WDR49: variants seen among roughly 807,000 people sequenced by gnomAD.
WDR49 encodes the protein WD repeat domain 49, also known as cilia- and flagella-associated protein 337.
In WDR49, 107 loss-of-function variants were observed where a neutral mutation model predicts 119.5. The ratio of observed to expected loss-of-function variants is 0.90; its 90% CI spans 0.77 to 1.05. WDR49 has a LOEUF of 1.05. Among genes scored for constraint, WDR49 ranks in the 50% least tolerant of loss-of-function variants. The probability of loss-of-function intolerance (pLI) is 0.00; values close to 1 mark genes in which losing one functional copy is unlikely to be tolerated. For synonymous variants in WDR49, 425 were observed against 418.8 expected, an observed-to-expected ratio of 1.01 and a Z score of -0.18; for missense variants, 1,240 against 1,220.5, an observed-to-expected ratio of 1.02 and a Z score of -0.24.
intron 8 of WDR49, among the ~76,000 whole-genome samples, chr3:167,569,329 C>G (rs1395517133): frequency 6.6e-6 from 1 of 152,048 alleles, no homozygotes; most frequent in Non-Finnish European, 1.5e-5. Flanking sequence ...TGTTTGAATA[C>G]GTAAGTTTTG....
intron 7 of WDR49, among the ~76,000 whole-genome samples, chr3:167,599,718 A>G (rs935655600): frequency 6.6e-6 from 1 of 152,036 alleles, no homozygotes; most frequent in African/African-American, 2.4e-5. Context: ...GTCTCACCCA[A>G]GTTCCATGGT....
intron 15 of WDR49, among the ~76,000 whole-genome samples, chr3:167,527,096 G>A (rs1752664481): frequency 6.6e-6 from 1 of 152,072 alleles, no homozygotes; most frequent in African/African-American, 2.4e-5. Context: ...TCATAGGCAG[G>A]AGCAAGTCAG....
intron 2 of WDR49, among the ~76,000 whole-genome samples, chr3:167,630,511 CT>C (rs1717324825): frequency 6.6e-6 from 1 of 152,096 alleles, no homozygotes; most frequent in East Asian, 1.9e-4. Context: ...CGAGGTATGC[CT>C]GTCAAGTGGT....
At chr3:167,554,226 TAGAA>T (rs1204039318) in intron 10 of WDR49, among the ~76,000 whole-genome samples, 1 of 152,100 alleles carries the variant, frequency 6.6e-6, no homozygotes, top group Non-Finnish European at 1.5e-5. Context: ...TCTGCACTGA[TAGAA>T]AGGAGGAGCT....
chr3:167,566,963 G>T, intron 8 of WDR49: 1 of 596,792 alleles, frequency 1.7e-6, no homozygotes. Context: ...AGGTGGAGGA[G>T]GTGGAAAGGG....
In WDR49 at chr3:167,544,435, C is replaced by A. The variant is rs78432864; in HGVS notation, c.1824-7435G>T. Among the ~76,000 whole-genome samples, 108 of 152,046 alleles carry A rather than the reference C, an allele frequency of 7.1e-4. 1 individual carries two copies. In the Middle Eastern group the frequency reaches 0.044, roughly 62 times the overall value. ...ACCTATACTACAAGGCTATAGTTAC[C>A]AAAACAGGATGTTACATAGAGCAGT... On this transcript the variant is annotated intron_variant, in intron 10 of 18. Transcript: ENST00000682715.
At position 167,636,164 on chromosome 3, in the gene WDR49, G is replaced by A. The variant is rs149044131; in HGVS notation, c.166-8872C>T. 2.9e-3 allele frequency among the ~76,000 whole-genome samples: 436 copies of A among 151,392 alleles called. 2 individuals are homozygous for A. The highest frequency in any genetic ancestry group is 0.01 in the African/African-American group (422 of 41,366). ...CCAAAGTTCATTGTATCATTCTTAC[G>A]CCTTTGCATCCTCATAACTTAGCTT... On this transcript the variant is annotated intron_variant, in intron 2 of 18. Coordinates refer to ENST00000682715, the MANE Select transcript of WDR49 (RefSeq NM_001366157.1).
chr3:167,483,917 T>C (rs1750821713), intron 18 of WDR49, among the ~76,000 whole-genome samples: 2 of 152,232 alleles, frequency 1.3e-5, no homozygotes, highest in Non-Finnish European at 2.9e-5. Context: ...TAACATCTTT[T>C]AAATGCGTAA....
intron 7 of WDR49, among the ~76,000 whole-genome samples, chr3:167,587,635 G>A (rs887458519): frequency 1.3e-5 from 2 of 151,898 alleles, no homozygotes; most frequent in Admixed American, 6.6e-5. Context: ...ACAGGTGTGC[G>A]CCACCATGCC....
intron 10 of WDR49, among the ~76,000 whole-genome samples, chr3:167,550,111 T>C (rs896092283): frequency 2.6e-5 from 4 of 152,194 alleles, no homozygotes; most frequent in Non-Finnish European, 5.9e-5. Flanking sequence ...GTAGTATAGT[T>C]TGAAGTCAGG....
At chr3:167,505,595 T>G (rs1475643044) in intron 16 of WDR49, among the ~76,000 whole-genome samples, 179 bp from the exon 17 acceptor site, 1 of 152,202 alleles carries the variant, frequency 6.6e-6, no homozygotes, top group Non-Finnish European at 1.5e-5. Flanking sequence ...ACAAAATGCC[T>G]GCTAGCCAGG....
At chr3:167,612,367 C>CA (rs141592571) in intron 5 of WDR49, among the ~76,000 whole-genome samples, 50 of 141,390 alleles carry the variant, frequency 3.5e-4, no homozygotes, top group South Asian at 6.7e-4. Flanking sequence ...GTGCCTTCAT[C>CA]AAAAAAAAAA....
intron 18 of WDR49, among the ~76,000 whole-genome samples, chr3:167,484,167 T>C: frequency 6.6e-6 from 1 of 152,174 alleles, no homozygotes; most frequent in South Asian, 2.1e-4. Context: ...ATATAAGTGT[T>C]GCTTTGAAGG....
chr3:167,560,821 C>A (rs1713226282), intron 8 of WDR49, among the ~76,000 whole-genome samples: 1 of 148,382 alleles, frequency 6.7e-6, no homozygotes, highest in Non-Finnish European at 1.5e-5. Flanking sequence ...AAATATAAAT[C>A]TACATGCACA....
rs779617589 is a variant in WDR49, at chr3:167,500,243, G to A, written c.2941C>T (p.Pro981Ser). ...TTCTCAGGGTCTAGAAGGAAAGCAG[G>A]TTTATTCACTTCAGGCAGCTCTTCC... ...ALEELPEVNK[P>S]AFLLDPEKYF... Residue 981 changes from proline to serine, a missense_variant, in exon 18 of 19, where the codon CCT becomes TCT. Pro to Ser is a moderately conservative substitution (Grantham distance 74, BLOSUM62 -1). Transcript: ENST00000682715. 8 of 1,606,692 alleles carry A rather than the reference G, an allele frequency of 5.0e-6. No individual in the cohort carries two copies. In the East Asian group the frequency reaches 1.4e-4, roughly 27 times the overall value.
At chr3:167,651,957 C>G (rs1302027514) in intron 2 of WDR49, among the ~76,000 whole-genome samples, 1 of 152,114 alleles carries the variant, frequency 6.6e-6, no homozygotes, top group African/African-American at 2.4e-5. Flanking sequence ...AGCACCGGAA[C>G]AAAACTGCCA....
intron 5 of WDR49, among the ~76,000 whole-genome samples, chr3:167,607,102 C>T (rs1716097682): frequency 6.6e-6 from 1 of 152,204 alleles, no homozygotes; most frequent in Non-Finnish European, 1.5e-5. Flanking sequence ...GCATTCCTTT[C>T]TCCTGGGTAT....
At chr3:167,487,410 C>T (rs1750967566) in intron 18 of WDR49, among the ~76,000 whole-genome samples, 1 of 151,820 alleles carries the variant, frequency 6.6e-6, no homozygotes, top group African/African-American at 2.4e-5. Context: ...ATATAAGACC[C>T]CAAACTGGAA....
chr3:167,514,628 G>GAC (rs59265631), intron 16 of WDR49, among the ~76,000 whole-genome samples: 18,078 of 140,724 alleles, frequency 0.13, 1,080 homozygotes, highest in African/African-American at 0.14. Context: ...AGGAGATGCA[G>GAC]ACACACACAC....
Sources: gnomAD v4.1 joint callset for allele counts (sites outside exome capture counted in the v4.1 genomes callset) on GRCh38, gnomAD v4.1.1 for gene constraint, MANE v1.5 for transcripts, NCBI Gene and HGNC (gene_info 2026-07-23, HGNC 2026-07-21) for gene names.